The following NUP62 variants were observed in gnomAD, a reference collection of about 807,000 sequenced individuals.
NUP62 encodes nucleoporin 62.
For missense variants in NUP62, 647 were observed against 689.4 expected (o/e 0.94, Z 0.69); for synonymous variants, 305 against 303.4 (o/e 1.01, Z -0.05).
At position 49,921,206 on chromosome 19, in the gene NUP62, T is replaced by C. The variant is rs2075757528; in HGVS notation, c.-78+6488A>G. ...GCGAAACTATCATGGCTCCCATTTA[T>C]AAATGAGCAAACTGAGAAAGGGGAG... On this transcript the variant is annotated intron_variant, in intron 2 of 2. Coordinates refer to ENST00000352066, the MANE Select transcript of NUP62 (RefSeq NM_016553.5). This position sits in a 1 kb window ranked among gnomAD's most constrained non-coding sequence, Gnocchi z 5.4. Among the ~76,000 whole-genome samples, 1 of 152,174 alleles carries C rather than the reference T, an allele frequency of 6.6e-6. No homozygotes were observed. The highest frequency in any genetic ancestry group is 2.1e-4 in the South Asian group (1 of 4,832).
At position 49,906,891 on chromosome 19, in the gene NUP62, C is replaced by G. The variant is rs1032186441; in HGVS notation, c.*1348G>C. ...GTAATAGGTATTTCAGAGAATTCAG[C>G]AAAGTATAAAGACAAATACAAAAGA... On this transcript the variant is annotated 3_prime_UTR_variant, in exon 3 of 3. Transcript: ENST00000352066. 6.6e-6 allele frequency: 1 copy of G among 152,242 alleles called. No individual in the cohort carries two copies. Among genetic ancestry groups the G allele is most frequent in the Admixed American group, 6.5e-5 (1 of 15,276 alleles). 9.4% of individuals were successfully genotyped at this position (152,242 alleles called of 1,614,324 possible).
intron 2 of NUP62, chr19:49,917,706 C>T (rs1440317787): frequency 6.6e-6 from 1 of 152,226 alleles, no homozygotes; most frequent in Non-Finnish European, 1.5e-5. Flanking sequence ...ACATAACTAC[C>T]CTGCCTGGGG....
rs1429016957 is a variant in NUP62 at position 49,909,011 on chromosome 19, C to T, written c.797G>A (p.Gly266Asp). 2 of 1,612,292 alleles carry T rather than the reference C, an allele frequency of 1.2e-6. No individual in the cohort carries two copies. Among genetic ancestry groups the T allele is most frequent in the African/African-American group, 2.7e-5 (2 of 74,820 alleles). The change falls in exon 3 of 3, where the codon GGC becomes GAC. Residue 266 changes from glycine (G) to aspartate (D), a missense_variant. Coordinates refer to ENST00000352066, the MANE Select transcript of NUP62 (RefSeq NM_016553.5). Reference protein sequence around the residue: ...FSLKAPGAASGTSTTTSTAAT... With the variant: ...FSLKAPGAASDTSTTTSTAAT... ...AGCGGTGGATGTTGTTGTGGAGGTG[C>T]CGGAAGCTGCTCCAGGTGCCTTTAA...
At position 49,921,006 on chromosome 19, in the gene NUP62, G is replaced by C. The variant is rs1375041584; in HGVS notation, c.-78+6688C>G. On this transcript the variant is annotated intron_variant, in intron 2 of 2. Coordinates refer to ENST00000352066, the MANE Select transcript of NUP62 (RefSeq NM_016553.5). This position sits in a 1 kb window ranked among gnomAD's most constrained non-coding sequence, Gnocchi z 5.4. ...TTTCTCTGGGAACCAGGTGAAGGCA[G>C]CCAGAAGATGGGGGCAGGGTGGCTT... is the stretch of plus-strand genomic sequence containing the variant. Among the ~76,000 whole-genome samples, 1 of 152,182 alleles carries C rather than the reference G, an allele frequency of 6.6e-6. No homozygotes were observed. Among genetic ancestry groups the C allele is most frequent in the Non-Finnish European group, 1.5e-5 (1 of 68,026 alleles).
At chr19:49,919,930 A>AC (rs1287378263) in intron 2 of NUP62, among the ~76,000 whole-genome samples, 19 of 152,162 alleles carry the variant, frequency 1.2e-4, no homozygotes, top group Admixed American at 1.2e-3. Context: ...CATTAAAAAA[A>AC]AATTTTTTTT....
chr19:49,912,698 T>C (rs1439634814), intron 2 of NUP62, among the ~76,000 whole-genome samples: 1 of 152,036 alleles, frequency 6.6e-6, no homozygotes, highest in African/African-American at 2.4e-5. Flanking sequence ...ATGCTGTCTC[T>C]ACACAAAAAA....
intron 2 of NUP62, among the ~76,000 whole-genome samples, chr19:49,925,628 G>A (rs750295008): frequency 5.3e-5 from 8 of 152,134 alleles, no homozygotes; most frequent in African/African-American, 1.9e-4. Context: ...AGGAGGCTGC[G>A]GAGCCATGAT....
At chr19:49,920,935 G>A (rs566738064) in intron 2 of NUP62, among the ~76,000 whole-genome samples, 1 of 152,300 alleles carries the variant, frequency 6.6e-6, no homozygotes, top group South Asian at 2.1e-4. Flanking sequence ...GGGGGAAGGA[G>A]GGAAGGGCCC....
Position 49,908,966 on chromosome 19 carries a change from G to A in NUP62, c.842C>T (p.Thr281Ile). 1 of 1,609,276 alleles carries A rather than the reference G, an allele frequency of 6.2e-7. No individual in the cohort carries two copies. Among genetic ancestry groups the A allele is most frequent in the Non-Finnish European group, 8.5e-7 (1 of 1,177,200 alleles). ...GCCGGTGGTGCTGCTGCTGCTGGTGGTGGTGGCGGTGGCGGTGGCAGCGGT... is the reference window on the plus strand; with the variant it reads ...GCCGGTGGTGCTGCTGCTGCTGGTGATGGTGGCGGTGGCGGTGGCAGCGGT... ...TSTAATATAT[T>I]TSSSSTTGFA... Residue 281 changes from threonine to isoleucine, a missense_variant, in exon 3 of 3, where the codon ACC (threonine) becomes ATC (isoleucine). By Grantham distance (89) the Thr-to-Ile change is moderately conservative. Transcript: ENST00000352066.
chr19:49,918,738 T>C (rs1054954532), intron 2 of NUP62: 2 of 152,130 alleles, frequency 1.3e-5, no homozygotes, highest in Admixed American at 6.6e-5. Context: ...TTTTACTGCA[T>C]GTTCAGATGT....
At chr19:49,913,511 C>CA (rs1271919870) in intron 2 of NUP62, among the ~76,000 whole-genome samples, 1 of 152,194 alleles carries the variant, frequency 6.6e-6, no homozygotes, top group African/African-American at 2.4e-5. Flanking sequence ...ACGGGTGCGC[C>CA]ATGTCCTCCC....
chr19:49,908,947 G>C lies in NUP62; in HGVS notation c.861C>G (p.Thr287=). ...ATATTTSSSS[T]TGFALNLKPL... Reference sequence around the variant, plus strand: ...GTTTTAAATTCAAGGCAAAGCCGGTGGTGCTGCTGCTGCTGGTGGTGGTGG... The same window carrying C: ...GTTTTAAATTCAAGGCAAAGCCGGTCGTGCTGCTGCTGCTGGTGGTGGTGG... The change falls in exon 3 of 3, where the codon ACC becomes ACG. Residue 287 remains threonine (T), a synonymous_variant. Transcript: ENST00000352066. The C allele has an allele frequency of 6.2e-7, 1 of 1,609,510 alleles. No individual in the cohort carries two copies. The highest frequency in any genetic ancestry group is 2.2e-5 in the East Asian group (1 of 44,826).
intron 2 of NUP62, among the ~76,000 whole-genome samples, chr19:49,925,746 T>C (rs932358206): frequency 9.2e-5 from 14 of 152,104 alleles, no homozygotes; most frequent in Non-Finnish European, 1.9e-4. Flanking sequence ...AGAATGGCAT[T>C]TGGTCAATGG....
Position 49,909,896 on chromosome 19 carries a change from G to T in NUP62, c.-77-12C>A, listed in dbSNP as rs2075419691. On this transcript the variant is annotated splice_polypyrimidine_tract_variant and intron_variant, in intron 2 of 2. Coordinates refer to ENST00000352066, the MANE Select transcript of NUP62 (RefSeq NM_016553.5). Reference sequence around the variant, plus strand: ...CCTTGGGAAGATTTCTAAAGCAGAGGAAGTGACATTGTCAGATGGCAGTTT... The same window carrying T: ...CCTTGGGAAGATTTCTAAAGCAGAGTAAGTGACATTGTCAGATGGCAGTTT... The T allele has an allele frequency of 1.4e-6, 2 of 1,419,832 alleles. No individual in the cohort carries two copies. Among genetic ancestry groups the T allele is most frequent in the Non-Finnish European group, 2.0e-6 (2 of 1,017,644 alleles). The allele number at this position is 1,419,832 out of a possible 1,614,324, so 88.0% of individuals were successfully genotyped here. A position where few individuals can be genotyped will look rare whatever the true frequency, so the allele number is the denominator to read the frequency against.
rs200755676 is a variant in NUP62, at chr19:49,909,347, G to A, written c.461C>T (p.Thr154Ile). ...ACCAGTGAATGAGAAGCCTCCAGAT[G>A]TGGTAGCTGGAGCCACAGAGGTGGT... Reference protein sequence around the residue: ...PSTTSVAPATTSGGFSFTGGS... With the variant: ...PSTTSVAPATISGGFSFTGGS... The change falls in exon 3 of 3, where the codon ACA becomes ATA. Residue 154 changes from threonine (T) to isoleucine (I), a missense_variant. Thr to Ile is a moderately conservative substitution (Grantham distance 89). Transcript: ENST00000352066. 1.9e-6 allele frequency: 3 copies of A among 1,613,696 alleles called. No homozygotes were observed. Among genetic ancestry groups the A allele is most frequent in the Non-Finnish European group, 2.5e-6 (3 of 1,179,998 alleles).
rs746663980 is a variant in NUP62 at position 49,908,960 on chromosome 19, CTGG to C, written c.845_847del (p.Thr282del). The C allele has an allele frequency of 5.6e-6, 9 of 1,605,754 alleles. No homozygotes were observed. The Admixed American group carries it at 1.5e-4, about 27-fold the overall frequency. On this transcript the variant is annotated inframe_deletion, in exon 3 of 3. Transcript: ENST00000352066. ...GGCAAAGCCGGTGGTGCTGCTGCTGCTGGTGGTGGTGGCGGTGGCGGTGGCAGC... is the reference window on the plus strand; with the variant it reads ...GGCAAAGCCGGTGGTGCTGCTGCTGCTGGTGGTGGCGGTGGCGGTGGCAGC...
rs577115191 is a variant in NUP62 at position 49,909,187 on chromosome 19, A to G, written c.621T>C (p.Ala207=). 1 of 1,613,740 alleles carries G rather than the reference A, an allele frequency of 6.2e-7. No individual in the cohort carries two copies. Among genetic ancestry groups the G allele is most frequent in the South Asian group, 1.1e-5 (1 of 91,064 alleles). Residue 207 remains alanine, a synonymous_variant, in exon 3 of 3, where the codon GCT becomes GCC. Coordinates refer to ENST00000352066, the MANE Select transcript of NUP62 (RefSeq NM_016553.5). ...TGGTGATGGTGGCTGTGGGTGTGGG[A>G]GCAGCTGGCTGTGTGGCACCTGCTG... The part of the protein sequence containing the change: ...ATTAGATQPA[A]PTPTATITST...
Position 49,908,181 on chromosome 19 carries a change from A to G in NUP62, c.*58T>C. 1 of 1,595,158 alleles carries G rather than the reference A, an allele frequency of 6.3e-7. No individual in the cohort carries two copies. Among genetic ancestry groups the G allele is most frequent in the Non-Finnish European group, 8.5e-7 (1 of 1,174,342 alleles). Reference sequence around the variant, plus strand: ...GCCACAACCCCAAACTACAGACAACAGGGCGCATTCCCCTCATGAACTCCC... The same window carrying G: ...GCCACAACCCCAAACTACAGACAACGGGGCGCATTCCCCTCATGAACTCCC... On this transcript the variant is annotated 3_prime_UTR_variant, in exon 3 of 3. Coordinates refer to ENST00000352066, the MANE Select transcript of NUP62 (RefSeq NM_016553.5).
At chr19:49,912,998 CCA>C (rs2122641857) in intron 2 of NUP62, 1 of 131,518 alleles carries the variant, frequency 7.6e-6, no homozygotes, top group South Asian at 2.3e-4. Flanking sequence ...CTCAAGGCAG[CCA>C]GAGTCAAATG....
Sources: allele counts gnomAD v4.1 joint callset (sites outside exome capture counted in the v4.1 genomes callset), GRCh38; gene constraint gnomAD v4.1.1; non-coding constraint Gnocchi (gnomAD v3.1); transcripts MANE v1.5; gene names NCBI Gene and HGNC (gene_info 2026-07-23, HGNC 2026-07-21).